VRK2: variants seen among roughly 807,000 people sequenced by gnomAD.
VRK2 encodes VRK serine/threonine kinase 2.
VRK2 carries 60 observed loss-of-function variants against 57.6 expected under a neutral mutation model. That is an observed-to-expected ratio of 1.04 (90% CI 0.85 to 1.29). VRK2 has a LOEUF of 1.29. VRK2 is among the 50% of genes most tolerant of loss of function. VRK2 has a pLI of 0.00. For missense variants in VRK2, 705 were observed against 588.1 expected, an observed-to-expected ratio of 1.20 and a Z score of -2.06; for synonymous variants, 231 against 199.2, an observed-to-expected ratio of 1.16 and a Z score of -1.35.
intron 7 of VRK2, among the ~76,000 whole-genome samples, chr2:58,111,168 C>G (rs1435062304): frequency 6.6e-6 from 1 of 152,042 alleles, no homozygotes; most frequent in Non-Finnish European, 1.5e-5. Context: ...ATAACAAAAC[C>G]CTTGGACAGG....
At chr2:58,148,889 A>G (rs913153589) in intron 12 of VRK2, among the ~76,000 whole-genome samples, 2 of 151,818 alleles carry the variant, frequency 1.3e-5, no homozygotes, top group Admixed American at 6.6e-5. Context: ...ACACTGCATC[A>G]ATTACTGTCG....
At chr2:58,055,325 C>T (rs1676356535) in intron 2 of VRK2, among the ~76,000 whole-genome samples, 1 of 152,158 alleles carries the variant, frequency 6.6e-6, no homozygotes, top group Admixed American at 6.5e-5. Flanking sequence ...CCCAAATTCC[C>T]ATCCAGGGAT....
chr2:58,067,884 A>G (rs1007012554), intron 2 of VRK2, among the ~76,000 whole-genome samples: 2 of 149,754 alleles, frequency 1.3e-5, no homozygotes, highest in Non-Finnish European at 3.0e-5. Flanking sequence ...TTTTTCCTCA[A>G]TATCTTTTTT....
intron 1 of VRK2, among the ~76,000 whole-genome samples, chr2:57,927,569 G>T (rs1670581741): frequency 6.6e-6 from 1 of 152,060 alleles, no homozygotes; most frequent in Non-Finnish European, 1.5e-5. Context: ...TTCTACTCAG[G>T]ATATAAGTAG....
chr2:58,091,887 A>G (rs1261710502), intron 7 of VRK2, among the ~76,000 whole-genome samples: 1 of 152,166 alleles, frequency 6.6e-6, no homozygotes, highest in Non-Finnish European at 1.5e-5. Context: ...GGAGAGGTCT[A>G]AAATAATAGT....
intron 1 of VRK2, among the ~76,000 whole-genome samples, chr2:58,009,725 T>C (rs1673360522): frequency 6.6e-6 from 1 of 151,888 alleles, no homozygotes; most frequent in Non-Finnish European, 1.5e-5. Context: ...TTTATTAAAA[T>C]TGTGAAGAGT....
chr2:57,908,589 A>G (rs1458789959), intron 1 of VRK2, among the ~76,000 whole-genome samples: 6 of 152,188 alleles, frequency 3.9e-5, no homozygotes, highest in Non-Finnish European at 1.5e-5. Context: ...AAGTTAAATG[A>G]CTGGCTCTTA....
chr2:57,976,920 T>C (rs565025927), intron 1 of VRK2, among the ~76,000 whole-genome samples: 1 of 152,298 alleles, frequency 6.6e-6, no homozygotes, highest in African/African-American at 2.4e-5. Flanking sequence ...AGGGAATCAG[T>C]TTCAATCTTC....
Position 57,997,152 on chromosome 2 carries a change from T to C in VRK2, c.-438-28513T>C, listed in dbSNP as rs181644998. 5.9e-3 allele frequency among the ~76,000 whole-genome samples: 899 copies of C among 152,202 alleles called. 12 individuals carry two copies. The highest frequency in any genetic ancestry group is 8.9e-3 in the Non-Finnish European group (606 of 67,998). On this transcript the variant is annotated intron_variant, in intron 1 of 15. Coordinates refer to the VRK2 transcript ENST00000417641. Reference sequence around the variant, plus strand: ...ATGGAAAGAAAAAATAGATAATCGATTTTGTCTGATGCCAGGAAATTTCTC... The same window carrying C: ...ATGGAAAGAAAAAATAGATAATCGACTTTGTCTGATGCCAGGAAATTTCTC...
chr2:57,985,525 C>G (rs962692265), intron 1 of VRK2, among the ~76,000 whole-genome samples: 1 of 151,952 alleles, frequency 6.6e-6, no homozygotes, highest in South Asian at 2.1e-4. Flanking sequence ...TAATACTGCT[C>G]CTATATATAT....
At chr2:58,123,313 C>T in intron 8 of VRK2, 80 bp downstream of exon 8, 3 of 1,510,776 alleles carry the variant, frequency 2.0e-6, no homozygotes, top group Middle Eastern at 2.0e-4. Flanking sequence ...CATGAAATGA[C>T]CTTTGCATAG....
At chr2:57,998,151 C>T (rs1250887610) in intron 1 of VRK2, among the ~76,000 whole-genome samples, 2 of 152,166 alleles carry the variant, frequency 1.3e-5, no homozygotes, top group African/African-American at 2.4e-5. Flanking sequence ...CAGGGTTGAG[C>T]GGAACTGTTG....
At chr2:57,932,361 T>C (rs999891406) in intron 1 of VRK2, among the ~76,000 whole-genome samples, 12 of 152,160 alleles carry the variant, frequency 7.9e-5, no homozygotes, top group Admixed American at 6.6e-5. Context: ...TGATTACCTA[T>C]TCAAAATCCT....
At chr2:58,107,854 C>T (rs1158773134) in intron 7 of VRK2, among the ~76,000 whole-genome samples, 3 of 152,120 alleles carry the variant, frequency 2.0e-5, no homozygotes, top group Non-Finnish European at 4.4e-5. Context: ...AGCTTACATT[C>T]TCCTACTTCT....
chr2:58,045,809 T>G (rs894716194), upstream of VRK2, among the ~76,000 whole-genome samples: 3 of 152,164 alleles, frequency 2.0e-5, no homozygotes, highest in Non-Finnish European at 4.4e-5. Flanking sequence ...AAGCATTTGT[T>G]TGGTTTAGTC....
rs1228099053 is a variant in VRK2, at chr2:58,013,851, T to C, written c.-438-11814T>C. Among the ~76,000 whole-genome samples the C allele has an allele frequency of 1.8e-4, 17 of 92,094 alleles. No homozygotes were observed. In the East Asian group the frequency reaches 5.1e-3, roughly 28 times the overall value. 60.4% of individuals were successfully genotyped at this position (92,094 alleles called of 152,430 possible). On this transcript the variant is annotated intron_variant, in intron 1 of 15. Coordinates refer to the VRK2 transcript ENST00000417641. Reference sequence around the variant, plus strand: ...TCCCTCCTGGGCGACAGAACGAGACTCCGTCTCAAAAAAAAAAAAAAAAAA... The same window carrying C: ...TCCCTCCTGGGCGACAGAACGAGACCCCGTCTCAAAAAAAAAAAAAAAAAA...
At chr2:57,936,481 A>G (rs1336328630) in intron 1 of VRK2, among the ~76,000 whole-genome samples, 1 of 150,978 alleles carries the variant, frequency 6.6e-6, no homozygotes, top group African/African-American at 2.4e-5. Context: ...TAAATAATTT[A>G]CTTTTACTCC....
chr2:58,137,021 A>T (rs1438673189), intron 10 of VRK2, among the ~76,000 whole-genome samples: 3 of 131,164 alleles, frequency 2.3e-5, no homozygotes, highest in Non-Finnish European at 4.6e-5. Flanking sequence ...TATATATCTC[A>T]TATGTGTATA....
chr2:58,092,260 A>G (rs183866301), intron 7 of VRK2, among the ~76,000 whole-genome samples: 7 of 152,292 alleles, frequency 4.6e-5, no homozygotes, highest in African/African-American at 1.4e-4. Context: ...GGAATGGTAT[A>G]TAAGTGGAAT....
Sources: gnomAD v4.1 joint callset for allele counts (sites outside exome capture counted in the v4.1 genomes callset) on GRCh38, gnomAD v4.1.1 for gene constraint, MANE v1.5 for transcripts, NCBI Gene and HGNC (gene_info 2026-07-23, HGNC 2026-07-21) for gene names.